Variants in ZBTB49 observed in about 807,000 individuals in gnomAD.
The protein encoded by ZBTB49 is zinc finger and BTB domain containing 49, also known as zinc finger and BTB domain-containing protein 49.
ZBTB49 carries 43 observed loss-of-function variants against 57.5 expected under a neutral mutation model. That is an observed-to-expected ratio of 0.75 (90% CI 0.59 to 0.97). ZBTB49 has a LOEUF of 0.97. Among genes scored for constraint, ZBTB49 ranks in the 50% least tolerant of loss-of-function variants. ZBTB49 has a pLI of 0.00. For missense variants in ZBTB49, 938 were observed against 947.7 expected, an observed-to-expected ratio of 0.99 and a Z score of 0.13; for synonymous variants, 369 against 362.1, an observed-to-expected ratio of 1.02 and a Z score of -0.22.
At position 4,320,691 on chromosome 4, in the gene ZBTB49, C is replaced by T. The variant is rs1369648553; in HGVS notation, c.1673C>T (p.Thr558Ile). 4 of 1,614,214 alleles carry T rather than the reference C, an allele frequency of 2.5e-6. No individual in the cohort carries two copies. The African/African-American group carries it at 4.0e-5, about 16-fold the overall frequency. The part of the protein sequence containing the change: ...GDLRRHVRTH[T>I]GEKPYTCEIC... ...CTCCGCAGGCATGTCCGCACTCACA[C>T]TGGGGAGAAGCCGTACACATGTGAG... Residue 558 changes from threonine to isoleucine, a missense_variant, in exon 8 of 8, where the codon ACT (threonine) becomes ATT (isoleucine). Around this residue, in one of 3 missense-constraint regions of ZBTB49, gnomAD observed 835 missense variants for 819.1 expected, o/e 1.02. Transcript: ENST00000337872.
chr4:4,320,966 G>A lies in ZBTB49; in HGVS notation c.1948G>A (p.Gly650Ser), dbSNP rs116109844. ...GGCAGAATTTGATAGCCACTCTGGCGGCTCCTATTGTAAGTTACGGTCCAT... is the reference window on the plus strand; with the variant it reads ...GGCAGAATTTGATAGCCACTCTGGCAGCTCCTATTGTAAGTTACGGTCCAT... ...SVAEFDSHSG[G>S]SYCKLRSMIQ... is the part of the protein sequence containing the mutation. The change falls in exon 8 of 8, where the codon GGC becomes AGC. Residue 650 changes from glycine to serine, a missense_variant. By Grantham distance (56) the Gly-to-Ser change is moderately conservative. Around this residue, in one of 3 missense-constraint regions of ZBTB49, gnomAD observed 835 missense variants for 819.1 expected, o/e 1.02. Transcript: ENST00000337872. 1,033 of 1,614,192 alleles carry A rather than the reference G, an allele frequency of 6.4e-4. 7 individuals are homozygous for A. The African/African-American group carries it at 0.012, about 19-fold the overall frequency.
At chr4:4,313,261 T>G in intron 5 of ZBTB49, 147 bp downstream of exon 5, 1 of 725,322 alleles carries the variant, frequency 1.4e-6, no homozygotes. Flanking sequence ...AATTCAAACC[T>G]TCTGGCTTTG....
Position 4,321,366 on chromosome 4 carries a change from GTGTTAAGGC to G in ZBTB49, c.*54_*62del, listed in dbSNP as rs777771771. ...GGCGTGTTCTCAGTTTAGCAGGCTG[GTGTTAAGGC>G]TGTAGGAGGACCCAGTTTCCCCATG... On this transcript the variant is annotated 3_prime_UTR_variant, in exon 8 of 8. Coordinates refer to ENST00000337872, the MANE Select transcript of ZBTB49 (RefSeq NM_145291.4). The G allele has an allele frequency of 6.3e-7, 1 of 1,582,430 alleles. No homozygotes were observed. The highest frequency in any genetic ancestry group is 8.6e-7 in the Non-Finnish European group (1 of 1,168,590).
chr4:4,295,288 G>A (rs1006413984), intron 1 of ZBTB49, among the ~76,000 whole-genome samples: 1 of 152,138 alleles, frequency 6.6e-6, no homozygotes, highest in Non-Finnish European at 1.5e-5. Context: ...ATGGCAGCAG[G>A]GGAGAGAGAA....
Position 4,302,689 on chromosome 4 carries a change from G to T in ZBTB49, c.853G>T (p.Ala285Ser), listed in dbSNP as rs1212929507. The T allele has an allele frequency of 6.2e-7, 1 of 1,612,060 alleles. No homozygotes were observed. The highest frequency in any genetic ancestry group is 8.5e-7 in the Non-Finnish European group (1 of 1,178,926). Residue 285 changes from alanine (A) to serine (S), a missense_variant, in exon 3 of 8, where the codon GCC (alanine) becomes TCC (serine). Ala to Ser is a moderately conservative substitution (Grantham distance 99). Around this residue, in one of 3 missense-constraint regions of ZBTB49, gnomAD observed 835 missense variants for 819.1 expected, o/e 1.02. Transcript: ENST00000337872. The part of the protein sequence containing the change: ...NFLAQPVNDS[A>S]PHPESDATCQ... ...CCTGGCCCAGCCTGTGAATGACTCT[G>T]CCCCACACCCTGAGTCAGACGCCAC...
intron 1 of ZBTB49, among the ~76,000 whole-genome samples, chr4:4,296,894 G>A (rs1000223465): frequency 9.2e-5 from 14 of 152,222 alleles, no homozygotes; most frequent in African/African-American, 3.4e-4. Context: ...AGGTTCTAGG[G>A]GAGGCAGGAA....
intron 4 of ZBTB49, among the ~76,000 whole-genome samples, chr4:4,307,856 A>G (rs1720806507): frequency 6.6e-6 from 1 of 152,234 alleles, no homozygotes; most frequent in East Asian, 1.9e-4. Flanking sequence ...ATGAAAAACT[A>G]GAGCTGAAAG....
chr4:4,321,193 C>T lies in ZBTB49; in HGVS notation c.2175C>T (p.Asp725=), dbSNP rs777776342. ...SLAALDNHGG[D]PLGSRASSTT... ...CTGCTTTGGACAACCACGGCGGTGA[C>T]CCCCTGGGCAGTCGAGCATCTTCCA... Residue 725 remains aspartate (D), a synonymous_variant, in exon 8 of 8, where the codon GAC becomes GAT. Coordinates refer to ENST00000337872, the MANE Select transcript of ZBTB49 (RefSeq NM_145291.4). 6.2e-7 allele frequency: 1 copy of T among 1,614,066 alleles called. No homozygotes were observed. The highest frequency in any genetic ancestry group is 8.5e-7 in the Non-Finnish European group (1 of 1,180,032).
intron 4 of ZBTB49, among the ~76,000 whole-genome samples, chr4:4,308,302 C>T (rs1250352533): frequency 2.6e-5 from 4 of 152,172 alleles, no homozygotes; most frequent in Non-Finnish European, 5.9e-5. Context: ...TGGTCTCAAA[C>T]TCCAGACCTC....
intron 7 of ZBTB49, 128 bp from the exon 8 acceptor site, chr4:4,320,512 C>A: frequency 8.9e-7 from 1 of 1,123,678 alleles, no homozygotes; most frequent in Non-Finnish European, 1.3e-6. Context: ...TGGTGTCATG[C>A]GCCTGTCGTC....
At chr4:4,294,872 C>CATGTGTGTGT (rs1553803053) in intron 1 of ZBTB49, among the ~76,000 whole-genome samples, 10 of 138,010 alleles carry the variant, frequency 7.2e-5, no homozygotes, top group African/African-American at 2.7e-4. Context: ...AGGAGGGTTT[C>CATGTGTGTGT]GTGTGTGTGT....
At chr4:4,308,072 T>TTTTA (rs1264713756) in intron 4 of ZBTB49, among the ~76,000 whole-genome samples, 39 of 152,126 alleles carry the variant, frequency 2.6e-4, no homozygotes, top group African/African-American at 8.9e-4. Flanking sequence ...GGTATTGATG[T>TTTTA]TTTATTTATT....
In ZBTB49 at chr4:4,315,654, C is replaced by T. The variant is rs775843219; in HGVS notation, c.1395C>T (p.Asp465=). Residue 465 remains aspartate (D), a synonymous_variant, in exon 6 of 8, where the codon GAC becomes GAT. Coordinates refer to ENST00000337872, the MANE Select transcript of ZBTB49 (RefSeq NM_145291.4). ...ATTCTAGGTTTGCAGCCTCTGGCGA[C>T]GTCCAGCGTCACATTATTATTCACT... ...ICGKRFAASG[D]VQRHIIIHSG... 15 of 1,614,032 alleles carry T rather than the reference C, an allele frequency of 9.3e-6. No homozygotes were observed. Among genetic ancestry groups the T allele is most frequent in the East Asian group, 6.7e-5 (3 of 44,896 alleles).
chr4:4,293,495 ATTAC>A (rs1266996134), intron 1 of ZBTB49, among the ~76,000 whole-genome samples: 1 of 152,164 alleles, frequency 6.6e-6, no homozygotes. Flanking sequence ...TCTGTCCCTT[ATTAC>A]TTACCTATTT....
At chr4:4,291,994 C>G (rs1367624818) in intron 1 of ZBTB49, among the ~76,000 whole-genome samples, 1 of 151,562 alleles carries the variant, frequency 6.6e-6, no homozygotes, top group African/African-American at 2.4e-5. Flanking sequence ...CAAAATTAGG[C>G]GGGTGTGGTG....
chr4:4,296,218 A>G (rs1215274306), intron 1 of ZBTB49, among the ~76,000 whole-genome samples: 1 of 152,178 alleles, frequency 6.6e-6, no homozygotes, highest in African/African-American at 2.4e-5. Flanking sequence ...AAAGCTGGAG[A>G]GGATGGTTGA....
chr4:4,321,342 G>T lies in ZBTB49; in HGVS notation c.*26G>T, dbSNP rs1721410060. 6.2e-7 allele frequency: 1 copy of T among 1,600,582 alleles called. No homozygotes were observed. The highest frequency in any genetic ancestry group is 8.5e-7 in the Non-Finnish European group (1 of 1,178,298). ...TGTACCGCGCTTCTCCACGGTAGAG[G>T]CGTGTTCTCAGTTTAGCAGGCTGGT... On this transcript the variant is annotated 3_prime_UTR_variant, in exon 8 of 8. Transcript: ENST00000337872.
chr4:4,315,280 G>A (rs1721137506), intron 5 of ZBTB49, among the ~76,000 whole-genome samples: 1 of 152,184 alleles, frequency 6.6e-6, no homozygotes, highest in Non-Finnish European at 1.5e-5. Context: ...AGGGTGGAAG[G>A]GGCATTTGGC....
intron 1 of ZBTB49, among the ~76,000 whole-genome samples, chr4:4,298,383 C>T (rs1720315650): frequency 6.6e-6 from 1 of 151,446 alleles, no homozygotes; most frequent in Non-Finnish European, 1.5e-5. Context: ...AGAATGAAGG[C>T]AAAAAAAGCA....
Sources: gnomAD v4.1 joint callset for allele counts (sites outside exome capture counted in the v4.1 genomes callset) on GRCh38, gnomAD v4.1.1 for gene constraint, gnomAD v4.1.1 regional missense constraint, MANE v1.5 for transcripts, NCBI Gene and HGNC (gene_info 2026-07-23, HGNC 2026-07-21) for gene names.